The following NTM variants were observed in gnomAD, a reference collection of about 807,000 sequenced individuals.
NTM encodes the protein neurotrimin, also known as IgLON family member 2.
NTM carries 13 observed loss-of-function variants against 42.1 expected under a neutral mutation model. The ratio of observed to expected loss-of-function variants is 0.31; its 90% confidence interval spans 0.20 to 0.49. The LOEUF (loss-of-function observed/expected upper bound fraction) is 0.49, where lower values mean the gene tolerates loss of function less well. Ranked by LOEUF, NTM falls within the 20% of genes least tolerant of loss-of-function variation. The pLI is 0.99. For missense variants in NTM, 373 were observed against 452.8 expected, an observed-to-expected ratio of 0.82 and a Z score of 1.60; for synonymous variants, 187 against 179.2, an observed-to-expected ratio of 1.04 and a Z score of -0.35.
At chr11:131,882,137 A>G (rs1476405974) in intron 1 of NTM, among the ~76,000 whole-genome samples, 3 of 152,210 alleles carry the variant, frequency 2.0e-5, no homozygotes, top group Non-Finnish European at 4.4e-5. Context: ...AATTATCTAG[A>G]GAATCAGAGT....
At chr11:131,600,199 C>G (rs900953703) in intron 1 of NTM, among the ~76,000 whole-genome samples, 2 of 152,120 alleles carry the variant, frequency 1.3e-5, no homozygotes, top group African/African-American at 4.8e-5. Context: ...TAGGGAGACA[C>G]CTTGCTGTTT....
chr11:131,762,185 C>T (rs191218816), intron 1 of NTM, among the ~76,000 whole-genome samples: 2 of 152,364 alleles, frequency 1.3e-5, no homozygotes, highest in Non-Finnish European at 2.9e-5. Context: ...CAGGAGCGCC[C>T]TCTTTGGTAT....
intron 1 of NTM, among the ~76,000 whole-genome samples, chr11:131,567,048 A>G (rs947677812): frequency 1.3e-5 from 2 of 151,784 alleles, no homozygotes. Context: ...GGTGGAGCTT[A>G]GGGGGTTGGG....
At chr11:131,633,523 GTCTCTCTCTCTCTCTCTCTATCTCTATC>G (rs1298952399) in intron 1 of NTM, among the ~76,000 whole-genome samples, 1 of 148,458 alleles carries the variant, frequency 6.7e-6, no homozygotes, top group East Asian at 2.0e-4. Context: ...TCAGGGTTCT[GTCTCTCTCTCTCTCTCTCTATCTCTATC>G]TCTCCCTCTC....
chr11:132,207,109 G>T (rs1385655650), intron 3 of NTM, among the ~76,000 whole-genome samples: 1 of 152,082 alleles, frequency 6.6e-6, no homozygotes, highest in East Asian at 1.9e-4. Context: ...CTAAAGCAAG[G>T]GTCTCCAAAC....
chr11:132,279,975 C>T (rs992703791), intron 4 of NTM, among the ~76,000 whole-genome samples: 8 of 152,144 alleles, frequency 5.3e-5, no homozygotes, highest in Non-Finnish European at 1.2e-4. Flanking sequence ...TACTATATGC[C>T]GGTTACTGTT....
chr11:131,552,880 A>G (rs186461186), intron 1 of NTM, among the ~76,000 whole-genome samples: 11 of 152,328 alleles, frequency 7.2e-5, no homozygotes, highest in Admixed American at 6.5e-4. Flanking sequence ...TAGAATGAAG[A>G]CAGAGGTTGT....
At chr11:132,043,089 GC>G (rs1338038753) in intron 2 of NTM, among the ~76,000 whole-genome samples, 2 of 152,168 alleles carry the variant, frequency 1.3e-5, no homozygotes, top group African/African-American at 4.8e-5. Flanking sequence ...GCATAAAATT[GC>G]AATTGAGGAA....
rs377741511 is a variant in NTM, at chr11:131,849,771, T to G, written c.83-61793T>G. ...TCATCTCTGGTTGCCGGTTAAGACC[T>G]GAGAATACATGGACACAGGAAGGGG... On this transcript the variant is annotated intron_variant, in intron 1 of 8. Transcript: ENST00000683400. 5.8e-5 allele frequency among the ~76,000 whole-genome samples: 8 copies of G among 137,594 alleles called. No individual in the cohort carries two copies. The East Asian group carries it at 1.6e-3, about 27-fold the overall frequency. 90.3% of individuals were successfully genotyped at this position (137,594 alleles called of 152,430 possible).
At chr11:132,024,724 C>T (rs773610779) in intron 2 of NTM, among the ~76,000 whole-genome samples, 14 of 152,182 alleles carry the variant, frequency 9.2e-5, no homozygotes, top group Non-Finnish European at 1.8e-4. Flanking sequence ...CGGACTTTCC[C>T]TGAAGTTGTC....
intron 1 of NTM, among the ~76,000 whole-genome samples, chr11:131,620,524 C>T (rs2062417620): frequency 6.6e-6 from 1 of 152,192 alleles, no homozygotes; most frequent in South Asian, 2.1e-4. Context: ...CCATTCCTGT[C>T]ACCTCCCCTT....
At chr11:131,679,559 C>A (rs1347288294) in intron 1 of NTM, among the ~76,000 whole-genome samples, 1 of 151,970 alleles carries the variant, frequency 6.6e-6, no homozygotes. Flanking sequence ...TCAGCGGTGC[C>A]TTTCCCAGGA....
At chr11:131,761,662 A>C (rs1307196738) in intron 1 of NTM, among the ~76,000 whole-genome samples, 5 of 152,080 alleles carry the variant, frequency 3.3e-5, no homozygotes, top group African/African-American at 1.2e-4. Context: ...CAAAAAAATT[A>C]GCCAGGCGTG....
At chr11:131,863,976 A>G (rs921821064) in intron 1 of NTM, among the ~76,000 whole-genome samples, 49 of 152,306 alleles carry the variant, frequency 3.2e-4, no homozygotes, top group African/African-American at 1.1e-3. Context: ...CACCTGATGA[A>G]TTTCCTTGTA....
intron 1 of NTM, among the ~76,000 whole-genome samples, chr11:131,885,424 A>G (rs1391405465): frequency 2.0e-5 from 3 of 152,296 alleles, no homozygotes; most frequent in Non-Finnish European, 2.9e-5. Flanking sequence ...ACACATAAAA[A>G]TGGCCTTTTG....
rs573182751 is a variant in NTM at position 131,799,214 on chromosome 11, C to T, written c.83-112350C>T. Among the ~76,000 whole-genome samples, 3 of 152,286 alleles carry T rather than the reference C, an allele frequency of 2.0e-5. No individual in the cohort carries two copies. The South Asian group carries it at 6.2e-4, about 32-fold the overall frequency. On this transcript the variant is annotated intron_variant, in intron 1 of 8. Transcript: ENST00000683400. ...ACATACTATATCCCACCCTACCCCA[C>T]TCTAATTAGGCTCATCCTATATGAT...
chr11:132,120,958 G>T (rs145634552), intron 2 of NTM, among the ~76,000 whole-genome samples: 1 of 152,252 alleles, frequency 6.6e-6, no homozygotes, highest in East Asian at 1.9e-4. Flanking sequence ...ACGTACACTC[G>T]TGATTTTTCC....
At chr11:131,380,563 C>T (rs529839453) in intron 1 of NTM, among the ~76,000 whole-genome samples, 2 of 152,212 alleles carry the variant, frequency 1.3e-5, no homozygotes, top group South Asian at 4.1e-4. Context: ...CTTACCTTTA[C>T]TGTTCATATC....
intron 1 of NTM, among the ~76,000 whole-genome samples, chr11:131,552,504 CAA>C (rs36101549): frequency 3.4e-4 from 25 of 73,110 alleles, no homozygotes; most frequent in Admixed American, 6.5e-4. Context: ...GACTCCGTCT[CAA>C]AAAAAAAAAA....
Sources: allele counts gnomAD v4.1 joint callset (sites outside exome capture counted in the v4.1 genomes callset), GRCh38; gene constraint gnomAD v4.1.1; transcripts MANE v1.5; gene names NCBI Gene and HGNC (gene_info 2026-07-23, HGNC 2026-07-21).